The following CHD7 variants were observed in gnomAD, a reference collection of about 807,000 sequenced individuals.
CHD7 encodes ATP-dependent chromatin remodeler CHD7.
Under a neutral mutation model 307.3 loss-of-function variants are expected in CHD7, and 24 were observed. The observed-to-expected ratio is 0.08, with a 90% CI of 0.06 to 0.11. The LOEUF is 0.11. Among genes scored for constraint, CHD7 ranks in the 10% least tolerant of loss-of-function variants. CHD7 has a pLI of 1.00. For synonymous variants in CHD7, 1,363 were observed against 1,349.9 expected (o/e 1.01, Z -0.21); for missense variants, 3,106 against 3,727.1 (o/e 0.83, Z 4.34).
chr8:60,708,969 G>C (rs1473595138), intron 1 of CHD7, among the ~76,000 whole-genome samples: 1 of 152,162 alleles, frequency 6.6e-6, no homozygotes, highest in Non-Finnish European at 1.5e-5. Flanking sequence ...GCCTGTCTCT[G>C]TGGAGACGTT....
At chr8:60,861,374 C>G (rs1805964735) in intron 35 of CHD7, 1 of 409,852 alleles carries the variant, frequency 2.4e-6, no homozygotes, top group Non-Finnish European at 4.3e-6. Context: ...CTGTTTGCTT[C>G]TCCCATCAAA....
Position 60,678,767 on chromosome 8 carries a change from G to GGCGGCGGCGGCGGCGGCGGCGGCGGCA in CHD7, c.-467_-466insGGCAGCGGCGGCGGCGGCGGCGGCGGC, listed in dbSNP as rs1563506759. 8.7e-5 allele frequency: 12 copies of GGCGGCGGCGGCGGCGGCGGCGGCGGCA among 138,596 alleles called. No homozygotes were observed. Among genetic ancestry groups the GGCGGCGGCGGCGGCGGCGGCGGCGGCA allele is most frequent in the East Asian group, 2.1e-4 (1 of 4,710 alleles). The allele number at this position is 138,596 out of a possible 1,614,324, so 8.6% of individuals were successfully genotyped here. ...GCAGGCGCTGGCGTGCTGGGGCCGC[G>GGCGGCGGCGGCGGCGGCGGCGGCGGCA]GCGGCGGCGGCGGCGGCGGCGGCAG... On this transcript the variant is annotated 5_prime_UTR_variant, in exon 1 of 38. Coordinates refer to ENST00000423902, the MANE Select transcript of CHD7 (RefSeq NM_017780.4).
At chr8:60,780,716 CAG>C (rs1190418768) in intron 2 of CHD7, among the ~76,000 whole-genome samples, 1 of 152,196 alleles carries the variant, frequency 6.6e-6, no homozygotes. Flanking sequence ...GTTTAAAAAA[CAG>C]ACAGTGTCTT....
chr8:60,710,189 C>T (rs566329431), intron 1 of CHD7, among the ~76,000 whole-genome samples: 14 of 151,516 alleles, frequency 9.2e-5, no homozygotes, highest in African/African-American at 2.2e-4. Context: ...TCAAAATACA[C>T]GCTCTTAGTT....
chr8:60,724,647 C>A (rs1423406651), intron 1 of CHD7, among the ~76,000 whole-genome samples: 1 of 152,142 alleles, frequency 6.6e-6, no homozygotes, highest in Non-Finnish European at 1.5e-5. Flanking sequence ...CCCCAAATTT[C>A]TCCTTTTTTC....
Position 60,741,357 on chromosome 8 carries a change from G to T in CHD7, c.-76G>T. On this transcript the variant is annotated 5_prime_UTR_variant, in exon 2 of 38. The change creates a new upstream start codon in the 5' untranslated region. Transcript: ENST00000423902. ...ATTAGTTAAGGATTATAGGCTTTGA[G>T]GGCAAACACCTCAGTGAAGTGAAGC... is the stretch of plus-strand genomic sequence containing the variant. The T allele has an allele frequency of 1.9e-6, 2 of 1,029,624 alleles. No homozygotes were observed. The highest frequency in any genetic ancestry group is 3.2e-5 in the South Asian group (2 of 61,698). 63.8% of individuals were successfully genotyped at this position (1,029,624 alleles called of 1,614,324 possible).
intron 3 of CHD7, among the ~76,000 whole-genome samples, chr8:60,786,512 T>G (rs1363966738): frequency 6.6e-6 from 1 of 152,196 alleles, no homozygotes; most frequent in Non-Finnish European, 1.5e-5. Context: ...GTTCCCACTT[T>G]GGTTTATATG....
At chr8:60,740,725 A>G (rs1231382243) in intron 1 of CHD7, among the ~76,000 whole-genome samples, 1 of 152,232 alleles carries the variant, frequency 6.6e-6, no homozygotes, top group Non-Finnish European at 1.5e-5. Flanking sequence ...TTTGTATGAA[A>G]TGACCGATTT....
rs970464547 is a variant in CHD7 at position 60,733,598 on chromosome 8, T to C, written c.-174-7661T>C. Reference sequence around the variant, plus strand: ...AGGGTGTAAAGGACACAAATTTTCATGATCCTTGTGCTTTTGTGGCATAAT... The same window carrying C: ...AGGGTGTAAAGGACACAAATTTTCACGATCCTTGTGCTTTTGTGGCATAAT... On this transcript the variant is annotated intron_variant, in intron 1 of 37. Transcript: ENST00000423902. 3.9e-5 allele frequency among the ~76,000 whole-genome samples: 6 copies of C among 152,342 alleles called. No individual in the cohort carries two copies. In the East Asian group the frequency reaches 9.6e-4, roughly 24 times the overall value.
intron 16 of CHD7, 100 bp downstream of exon 16, chr8:60,836,383 T>G: frequency 1.1e-6 from 1 of 909,012 alleles, no homozygotes; most frequent in Non-Finnish European, 1.6e-6. Flanking sequence ...ATAAAGGGGC[T>G]AGAATGGGGG....
chr8:60,792,984 T>C (rs1811845167), intron 3 of CHD7, among the ~76,000 whole-genome samples: 1 of 152,216 alleles, frequency 6.6e-6, no homozygotes, highest in African/African-American at 2.4e-5. Flanking sequence ...TGAAAGCTGA[T>C]TGAGGGAAGC....
intron 25 of CHD7, among the ~76,000 whole-genome samples, chr8:60,850,055 G>A (rs987328304): frequency 1.3e-5 from 2 of 152,158 alleles, no homozygotes; most frequent in Non-Finnish European, 2.9e-5. Context: ...TTATGTATAT[G>A]GGGATTTTTC....
intron 2 of CHD7, among the ~76,000 whole-genome samples, chr8:60,774,856 A>G (rs1470107985): frequency 9.2e-5 from 14 of 152,146 alleles, no homozygotes; most frequent in Admixed American, 5.9e-4. Flanking sequence ...ACCACAGCAT[A>G]GTGTTTTACA....
At chr8:60,737,104 C>T (rs994690899) in intron 1 of CHD7, among the ~76,000 whole-genome samples, 8 of 151,958 alleles carry the variant, frequency 5.3e-5, no homozygotes, top group Non-Finnish European at 8.8e-5. Flanking sequence ...TGGTTTCTTG[C>T]GCACCCGTTG....
At chr8:60,808,368 G>A (rs1270431722) in intron 7 of CHD7, 96 bp downstream of exon 7, 3 of 793,212 alleles carry the variant, frequency 3.8e-6, no homozygotes, top group South Asian at 3.3e-5. Flanking sequence ...AGAAACTTTG[G>A]TATGATTTCT....
At chr8:60,816,916 A>G (rs972162241) in intron 8 of CHD7, among the ~76,000 whole-genome samples, 1 of 152,252 alleles carries the variant, frequency 6.6e-6, no homozygotes, top group Non-Finnish European at 1.5e-5. Flanking sequence ...GTTGAAGTCA[A>G]TGCCTAATTA....
intron 15 of CHD7, among the ~76,000 whole-genome samples, chr8:60,835,295 C>G (rs949924725): frequency 6.6e-6 from 1 of 152,180 alleles, no homozygotes; most frequent in African/African-American, 2.4e-5. Context: ...GGCCTCTTTC[C>G]AATGTACCCA....
chr8:60,703,956 C>G (rs6986750), intron 1 of CHD7, among the ~76,000 whole-genome samples: 8,414 of 152,184 alleles, frequency 0.055, 472 homozygotes, highest in African/African-American at 0.15. Context: ...GCTTGCACCC[C>G]CTCTTTCATC....
intron 1 of CHD7, among the ~76,000 whole-genome samples, chr8:60,683,573 T>C (rs1329572508): frequency 6.6e-6 from 1 of 152,360 alleles, no homozygotes; most frequent in East Asian, 1.9e-4. Context: ...AGAGAATGAT[T>C]GGATATTTAG....
Sources: gnomAD v4.1 joint callset for allele counts (sites outside exome capture counted in the v4.1 genomes callset) on GRCh38, gnomAD v4.1.1 for gene constraint, MANE v1.5 for transcripts, NCBI Gene and HGNC (gene_info 2026-07-23, HGNC 2026-07-21) for gene names.